The following APLF variants were observed in gnomAD, a reference collection of about 807,000 sequenced individuals.
APLF encodes aprataxin and PNK-like factor.
In APLF, 61 loss-of-function variants were observed where a neutral mutation model predicts 55.6. The ratio of observed to expected loss-of-function variants is 1.10; its 90% CI spans 0.89 to 1.36. The LOEUF (loss-of-function observed/expected upper bound fraction) is 1.36, where lower values mean the gene tolerates loss of function less well. Ranked by LOEUF, APLF falls within the 40% of genes most tolerant of loss-of-function variation. The probability of loss-of-function intolerance (pLI) is 0.00; values close to 1 mark genes in which losing one functional copy is unlikely to be tolerated. For missense variants in APLF, 611 were observed against 602.5 expected, an observed-to-expected ratio of 1.01 and a Z score of -0.15; for synonymous variants, 207 against 214.8, an observed-to-expected ratio of 0.96 and a Z score of 0.32.
intron 2 of APLF, among the ~76,000 whole-genome samples, chr2:68,495,468 G>C (rs568173284): frequency 1.3e-4 from 20 of 152,294 alleles, no homozygotes; most frequent in African/African-American, 3.8e-4. Flanking sequence ...CTGATGCCAA[G>C]GGTGGGCTCC....
At chr2:68,516,561 C>G in intron 5 of APLF, among the ~76,000 whole-genome samples, 1 of 150,856 alleles carries the variant, frequency 6.6e-6, no homozygotes, top group Non-Finnish European at 1.5e-5. Flanking sequence ...TACACTGTAC[C>G]CAGTTTGTAA....
At chr2:68,511,884 C>T (rs1420843478) in intron 3 of APLF, among the ~76,000 whole-genome samples, 1 of 151,632 alleles carries the variant, frequency 6.6e-6, no homozygotes, top group African/African-American at 2.4e-5. Flanking sequence ...TAAATTTTCT[C>T]TTTTGGCTGA....
At chr2:68,516,055 G>C (rs1669569461) in intron 5 of APLF, among the ~76,000 whole-genome samples, 1 of 151,572 alleles carries the variant, frequency 6.6e-6, no homozygotes. Context: ...CCATAACTGT[G>C]GTTATTGGTC....
intron 6 of APLF, chr2:68,531,500 G>C (rs1278398510): frequency 2.0e-5 from 3 of 152,236 alleles, no homozygotes; most frequent in African/African-American, 7.2e-5. Context: ...TCTCACTGGA[G>C]CCTGTCTTCC....
intron 1 of APLF, among the ~76,000 whole-genome samples, chr2:68,472,877 T>C (rs916048792): frequency 6.6e-6 from 1 of 151,840 alleles, no homozygotes; most frequent in East Asian, 1.9e-4. Flanking sequence ...TATGGAGGAG[T>C]TTTAGGTTCA....
chr2:68,569,117 T>C (rs970620880), intron 9 of APLF, among the ~76,000 whole-genome samples: 2 of 152,132 alleles, frequency 1.3e-5, no homozygotes, highest in Admixed American at 6.6e-5. Flanking sequence ...ATCTCAGCTA[T>C]GTATTGATTC....
intron 1 of APLF, among the ~76,000 whole-genome samples, chr2:68,481,196 T>C (rs1675940347): frequency 6.6e-6 from 1 of 152,194 alleles, no homozygotes; most frequent in Admixed American, 6.5e-5. Flanking sequence ...TTGGTATTAG[T>C]CTTTTTTAAA....
intron 5 of APLF, among the ~76,000 whole-genome samples, chr2:68,519,621 T>G (rs1207638850): frequency 2.0e-5 from 3 of 149,800 alleles, no homozygotes; most frequent in Non-Finnish European, 4.5e-5. Flanking sequence ...GATCAACACA[T>G]ACAGAGATGT....
intron 7 of APLF, among the ~76,000 whole-genome samples, chr2:68,538,530 G>A (rs1670461525): frequency 1.4e-5 from 2 of 138,400 alleles, no homozygotes; most frequent in Non-Finnish European, 3.3e-5. Flanking sequence ...CTGTTATTTA[G>A]TCTTTTCTTA....
chr2:68,552,763 T>G (rs1168555065), intron 8 of APLF, among the ~76,000 whole-genome samples: 3 of 152,126 alleles, frequency 2.0e-5, no homozygotes, highest in Admixed American at 6.6e-5. Context: ...AAGGGGCTAG[T>G]CAAGAGAAAC....
At chr2:68,547,747 A>AT (rs969359879) in intron 8 of APLF, among the ~76,000 whole-genome samples, 41 of 149,306 alleles carry the variant, frequency 2.7e-4, no homozygotes, top group African/African-American at 5.1e-4. Flanking sequence ...ATATAGCTTT[A>AT]TTTTTTTTTG....
chr2:68,468,438 A>G lies in APLF; in HGVS notation c.96+611A>G, dbSNP rs376555029. 2.2e-3 allele frequency among the ~76,000 whole-genome samples: 333 copies of G among 152,258 alleles called. 2 individuals are homozygous for G. The highest frequency in any genetic ancestry group is 7.6e-3 in the African/African-American group (317 of 41,552). ...GTTCGTGTCATTGGTCTAAGGAGAC[A>G]TTACCTATACCAACATCTTTAACTG... On this transcript the variant is annotated intron_variant, in intron 1 of 9. Transcript: ENST00000303795.
Position 68,501,085 on chromosome 2 carries a change from T to C in APLF, c.169-1646T>C, listed in dbSNP as rs145571395. Among the ~76,000 whole-genome samples the C allele has an allele frequency of 5.7e-3, 868 of 152,332 alleles. 5 individuals are homozygous for C. The highest frequency in any genetic ancestry group is 0.02 in the African/African-American group (825 of 41,568). Reference sequence around the variant, plus strand: ...GCAATCTTGTGTATAGTTTGACTAATAAAATAATGGCCGACCAAATTTGTG... The same window carrying C: ...GCAATCTTGTGTATAGTTTGACTAACAAAATAATGGCCGACCAAATTTGTG... On this transcript the variant is annotated intron_variant, in intron 2 of 9. Transcript: ENST00000303795.
At chr2:68,469,547 C>T (rs980866756) in intron 1 of APLF, among the ~76,000 whole-genome samples, 1 of 152,194 alleles carries the variant, frequency 6.6e-6, no homozygotes, top group South Asian at 2.1e-4. Flanking sequence ...GGATGAGATT[C>T]TTTTGCCAAG....
chr2:68,490,773 C>T (rs1187498077), intron 2 of APLF, among the ~76,000 whole-genome samples: 1 of 152,078 alleles, frequency 6.6e-6, no homozygotes, highest in Non-Finnish European at 1.5e-5. Flanking sequence ...TTTACTGCTG[C>T]GAAATCACTG....
At chr2:68,469,161 G>T (rs1001634975) in intron 1 of APLF, among the ~76,000 whole-genome samples, 3 of 151,988 alleles carry the variant, frequency 2.0e-5, no homozygotes, top group Non-Finnish European at 4.4e-5. Context: ...TTCATCGTTT[G>T]TTGGCCTATA....
At chr2:68,523,944 T>TA (rs1245831101) in intron 5 of APLF, among the ~76,000 whole-genome samples, 40 of 147,922 alleles carry the variant, frequency 2.7e-4, no homozygotes, top group Non-Finnish European at 4.7e-4. Context: ...AGGTGGTTGA[T>TA]AGTAAGGAAT....
chr2:68,518,802 T>TAGC (rs1553372014), intron 5 of APLF, among the ~76,000 whole-genome samples: 1 of 21,614 alleles, frequency 4.6e-5, no homozygotes, highest in African/African-American at 2.9e-4. Flanking sequence ...ATTAATAATC[T>TAGC]ATCATATAAT....
intron 2 of APLF, among the ~76,000 whole-genome samples, chr2:68,498,878 C>A (rs558541244): frequency 6.6e-6 from 1 of 152,014 alleles, no homozygotes; most frequent in Non-Finnish European, 1.5e-5. Flanking sequence ...TCAAAATATA[C>A]GTCTTTGGGT....
Sources: allele counts gnomAD v4.1 joint callset (sites outside exome capture counted in the v4.1 genomes callset), GRCh38; gene constraint gnomAD v4.1.1; transcripts MANE v1.5; gene names NCBI Gene and HGNC (gene_info 2026-07-23, HGNC 2026-07-21).